RSRC1: variants seen among roughly 807,000 people sequenced by gnomAD.
The protein encoded by RSRC1 is serine/Arginine-related protein 53.
In RSRC1, 39 loss-of-function variants were observed where a neutral mutation model predicts 49.1. The ratio of observed to expected loss-of-function variants is 0.79; its 90% confidence interval spans 0.61 to 1.04. The LOEUF (loss-of-function observed/expected upper bound fraction) is 1.04, where lower values mean the gene tolerates loss of function less well. Ranked by LOEUF, RSRC1 falls within the 50% of genes least tolerant of loss-of-function variation. The pLI is 0.00. For missense variants in RSRC1, 388 were observed against 402.4 expected (o/e 0.96, Z 0.31); for synonymous variants, 143 against 130.8 (o/e 1.09, Z -0.63).
intron 7 of RSRC1, among the ~76,000 whole-genome samples, chr3:158,470,129 A>G (rs1180104907): frequency 6.6e-6 from 1 of 152,054 alleles, no homozygotes; most frequent in Admixed American, 6.6e-5. Flanking sequence ...TAAATAATGA[A>G]GCCAGGTGTG....
At chr3:158,398,244 G>A (rs1163255820) in intron 6 of RSRC1, among the ~76,000 whole-genome samples, 1 of 152,098 alleles carries the variant, frequency 6.6e-6, no homozygotes, top group East Asian at 1.9e-4. Context: ...CTGAGACTGG[G>A]TAATTTCTAA....
chr3:158,218,061 G>T (rs1427455002), intron 4 of RSRC1, among the ~76,000 whole-genome samples: 1 of 151,632 alleles, frequency 6.6e-6, no homozygotes, highest in South Asian at 2.1e-4. Context: ...AGCTAGAATG[G>T]AGAGGAGGGG....
intron 3 of RSRC1, among the ~76,000 whole-genome samples, chr3:158,194,859 G>A (rs941046389): frequency 5.9e-5 from 9 of 152,056 alleles, no homozygotes; most frequent in African/African-American, 2.2e-4. Flanking sequence ...GCATTCCATG[G>A]TGTATATGTG....
chr3:158,518,146 A>ATTTTT (rs1452015549), intron 7 of RSRC1, among the ~76,000 whole-genome samples: 1,794 of 69,356 alleles, frequency 0.026, 51 homozygotes, highest in African/African-American at 0.035. Context: ...ATATATATAT[A>ATTTTT]TATTTTTTTT....
At chr3:158,178,070 A>T (rs532626917) in intron 3 of RSRC1, among the ~76,000 whole-genome samples, 1 of 151,938 alleles carries the variant, frequency 6.6e-6, no homozygotes, top group Non-Finnish European at 1.5e-5. Context: ...GTTGTCTTTT[A>T]ATAATTATTT....
rs544905321 is a variant in RSRC1 at position 158,522,296 on chromosome 3, G to A, written c.653-14796G>A. 3.3e-5 allele frequency among the ~76,000 whole-genome samples: 5 copies of A among 152,008 alleles called. No individual in the cohort carries two copies. In the East Asian group the frequency reaches 9.7e-4, roughly 29 times the overall value. On this transcript the variant is annotated intron_variant, in intron 7 of 9. Transcript: ENST00000611884. Reference sequence around the variant, plus strand: ...TATTTCAACATACAAAAACACACAAGGCCTACTTTACTTTTTTTTTCTCCC... The same window carrying A: ...TATTTCAACATACAAAAACACACAAAGCCTACTTTACTTTTTTTTTCTCCC...
chr3:158,506,828 G>A (rs957621088), intron 7 of RSRC1, among the ~76,000 whole-genome samples: 6 of 149,422 alleles, frequency 4.0e-5, no homozygotes, highest in Admixed American at 2.0e-4. Context: ...GTGTGTGTGT[G>A]TATATATTTT....
chr3:158,467,773 A>T (rs1737953418), intron 7 of RSRC1, among the ~76,000 whole-genome samples: 1 of 152,172 alleles, frequency 6.6e-6, no homozygotes, highest in Non-Finnish European at 1.5e-5. Context: ...TTTTCACTAG[A>T]TTGACGTTAT....
chr3:158,464,502 G>A (rs891518383), intron 7 of RSRC1, among the ~76,000 whole-genome samples: 2 of 152,060 alleles, frequency 1.3e-5, no homozygotes, highest in Non-Finnish European at 2.9e-5. Context: ...TTATTCATGG[G>A]AATGGTGGAC....
intron 6 of RSRC1, among the ~76,000 whole-genome samples, chr3:158,445,959 A>G (rs564642859): frequency 5.9e-5 from 9 of 152,228 alleles, no homozygotes; most frequent in African/African-American, 1.9e-4. Context: ...AATCTTGACC[A>G]TATTCAGCCG....
intron 1 of RSRC1, among the ~76,000 whole-genome samples, chr3:158,121,748 TGATATAAAGA>T (rs1308580947): frequency 6.6e-6 from 1 of 152,164 alleles, no homozygotes; most frequent in African/African-American, 2.4e-5. Context: ...ATCAGATAAT[TGATATAAAGA>T]ACTGCTCTCA....
At chr3:158,415,726 T>TAA (rs1199336101) in intron 6 of RSRC1, among the ~76,000 whole-genome samples, 1 of 152,092 alleles carries the variant, frequency 6.6e-6, no homozygotes, top group African/African-American at 2.4e-5. Context: ...ACAGATATAA[T>TAA]AATTTTACAT....
chr3:158,455,313 C>A (rs1054111251), intron 6 of RSRC1, among the ~76,000 whole-genome samples: 3 of 152,056 alleles, frequency 2.0e-5, no homozygotes, highest in African/African-American at 7.3e-5. Flanking sequence ...TGTTAAAGCC[C>A]TGTAAAGAGA....
chr3:158,442,157 T>G (rs1276826190), intron 6 of RSRC1, among the ~76,000 whole-genome samples: 2 of 152,126 alleles, frequency 1.3e-5, no homozygotes, highest in African/African-American at 4.8e-5. Context: ...GGCTGCCCAT[T>G]GATGAGGGTG....
At chr3:158,379,046 CT>C in intron 6 of RSRC1, among the ~76,000 whole-genome samples, 1 of 150,954 alleles carries the variant, frequency 6.6e-6, no homozygotes, top group Non-Finnish European at 1.5e-5. Flanking sequence ...TTTCCTACCA[CT>C]TACCTAGACC....
At chr3:158,178,433 C>T (rs1719381951) in intron 3 of RSRC1, among the ~76,000 whole-genome samples, 1 of 152,228 alleles carries the variant, frequency 6.6e-6, no homozygotes, top group Non-Finnish European at 1.5e-5. Flanking sequence ...GCCACTGCTC[C>T]TGGCCCCAGT....
chr3:158,462,009 A>C (rs894639509), intron 7 of RSRC1, among the ~76,000 whole-genome samples: 6 of 151,728 alleles, frequency 4.0e-5, no homozygotes, highest in Non-Finnish European at 7.4e-5. Flanking sequence ...AAAAAAAAAA[A>C]AAAACTGTAG....
chr3:158,544,283 A>C lies in RSRC1; in HGVS notation c.*8A>C. On this transcript the variant is annotated 3_prime_UTR_variant, in exon 10 of 10. Transcript: ENST00000611884. ...GGCAGTCCTGTGGCCTAAGTAATAT[A>C]CATATAGTTGGATTGGATTGTCAGC... 1 of 1,545,862 alleles carries C rather than the reference A, an allele frequency of 6.5e-7. No homozygotes were observed. Among genetic ancestry groups the C allele is most frequent in the African/African-American group, 1.4e-5 (1 of 73,318 alleles).
intron 6 of RSRC1, among the ~76,000 whole-genome samples, chr3:158,375,216 G>A (rs1262541969): frequency 6.7e-6 from 1 of 148,788 alleles, no homozygotes; most frequent in African/African-American, 2.5e-5. Flanking sequence ...ATTTTTTTGA[G>A]ACAGGGTCTC....
Sources: gnomAD v4.1 joint callset for allele counts (sites outside exome capture counted in the v4.1 genomes callset) on GRCh38, gnomAD v4.1.1 for gene constraint, MANE v1.5 for transcripts, NCBI Gene and HGNC (gene_info 2026-07-23, HGNC 2026-07-21) for gene names.